The following MON1B variants were observed in gnomAD, a reference collection of about 807,000 sequenced individuals.
MON1B encodes the protein MON1 vesicular trafficking associated B.
MON1B carries 26 observed loss-of-function variants against 45.1 expected under a neutral mutation model. That is an observed-to-expected ratio of 0.58 (90% CI 0.42 to 0.80). MON1B has a LOEUF of 0.80. Ranked by LOEUF, MON1B falls within the 30% of genes least tolerant of loss-of-function variation. The pLI is 0.00. For synonymous variants in MON1B, 395 were observed against 320.2 expected (o/e 1.23, Z -2.49); for missense variants, 737 against 754.5 (o/e 0.98, Z 0.27).
At position 77,202,075 on chromosome 16, in the gene MON1B, G is replaced by A. The variant is rs538990690; in HGVS notation, c.*3767G>A. On this transcript the variant is annotated 3_prime_UTR_variant, in exon 6 of 6. Transcript: ENST00000248248. ...GTTCTATTTTTTCTTCTAGAAAAAT[G>A]TAAGTAGTCATATATAATTTTAAAA... 6.6e-6 allele frequency: 1 copy of A among 152,182 alleles called. No homozygotes were observed. Among genetic ancestry groups the A allele is most frequent in the Non-Finnish European group, 1.5e-5 (1 of 68,026 alleles). 9.4% of individuals were successfully genotyped at this position (152,182 alleles called of 1,614,324 possible). A position where few individuals can be genotyped will look rare whatever the true frequency, so the allele number is the denominator to read the frequency against.
rs1229854135 is a variant in MON1B at position 77,200,274 on chromosome 16, G to GTATATATATATATA, written c.*1971_*1984dup. ...TATATGTGTATATATATATATATGTGTATATATATATATATATACACACAC... is the reference window on the plus strand; with the variant it reads ...TATATGTGTATATATATATATATGTGTATATATATATATATATATATATATATATATACACACAC... On this transcript the variant is annotated 3_prime_UTR_variant, in exon 6 of 6. Coordinates refer to ENST00000248248, the MANE Select transcript of MON1B (RefSeq NM_014940.4). The GTATATATATATATA allele has an allele frequency of 8.8e-6, 1 of 113,574 alleles. No homozygotes were observed. Among genetic ancestry groups the GTATATATATATATA allele is most frequent in the African/African-American group, 3.5e-5 (1 of 28,624 alleles). The allele number at this position is 113,574 out of a possible 1,614,324, so 7.0% of individuals were successfully genotyped here.
chr16:77,194,305 A>AC lies in MON1B; in HGVS notation c.476-23dup, dbSNP rs758777288. 26 of 1,562,782 alleles carry AC rather than the reference A, an allele frequency of 1.7e-5. No individual in the cohort carries two copies. The highest frequency in any genetic ancestry group is 8.4e-5 in the Admixed American group (5 of 59,772). ...CTCTGGTCATTCCTGATCCAGCTGTACCCCCCCTTCTTACCCCTTCCTTCC... is the reference window on the plus strand; with the variant it reads ...CTCTGGTCATTCCTGATCCAGCTGTACCCCCCCCTTCTTACCCCTTCCTTCC... On this transcript the variant is annotated intron_variant, in intron 3 of 5. Coordinates refer to ENST00000248248, the MANE Select transcript of MON1B (RefSeq NM_014940.4). This position sits in a 1 kb window ranked among gnomAD's most constrained non-coding sequence, Gnocchi z 8.1.
rs930248806 is a variant in MON1B, at chr16:77,198,632, T to G, written c.*324T>G. 2 of 367,196 alleles carry G rather than the reference T, an allele frequency of 5.4e-6. No homozygotes were observed. The highest frequency in any genetic ancestry group is 4.1e-5 in the African/African-American group (2 of 48,620). The allele number at this position is 367,196 out of a possible 1,614,324, so 22.7% of individuals were successfully genotyped here. A position where few individuals can be genotyped will look rare whatever the true frequency, so the allele number is the denominator to read the frequency against. On this transcript the variant is annotated 3_prime_UTR_variant, in exon 6 of 6. Coordinates refer to ENST00000248248, the MANE Select transcript of MON1B (RefSeq NM_014940.4). ...CCCCTCCAAACTTGCTTCCGTGGTC[T>G]GCCTCCTAGTTGAATCTCAGCCCTG...
chr16:77,196,456 A>T (rs915185022), intron 5 of MON1B, among the ~76,000 whole-genome samples: 7 of 152,142 alleles, frequency 4.6e-5, no homozygotes, highest in Non-Finnish European at 2.9e-5. Flanking sequence ...TTCTTTCTAC[A>T]TTTATTGGCT....
chr16:77,199,147 A>ATCTCGGTGGT lies in MON1B; in HGVS notation c.*839_*840insTCTCGGTGGT. On this transcript the variant is annotated 3_prime_UTR_variant, in exon 6 of 6. Coordinates refer to ENST00000248248, the MANE Select transcript of MON1B (RefSeq NM_014940.4). ...CCCAGACTTTGACAACCTGCACAAGACAAGCAGCCTAAAGCAGGAGAGACC... is the reference window on the plus strand; with the variant it reads ...CCCAGACTTTGACAACCTGCACAAGATCTCGGTGGTCAAGCAGCCTAAAGCAGGAGAGACC... The ATCTCGGTGGT allele has an allele frequency of 2.7e-6, 1 of 365,802 alleles. No individual in the cohort carries two copies. Among genetic ancestry groups the ATCTCGGTGGT allele is most frequent in the Non-Finnish European group, 4.9e-6 (1 of 202,986 alleles). The allele number at this position is 365,802 out of a possible 1,614,324, so 22.7% of individuals were successfully genotyped here.
Position 77,191,267 on chromosome 16 carries a change from A to T in MON1B, c.-11+9A>T. 1.3e-6 allele frequency: 2 copies of T among 1,540,824 alleles called. No individual in the cohort carries two copies. Among genetic ancestry groups the T allele is most frequent in the Non-Finnish European group, 1.7e-6 (2 of 1,146,684 alleles). On this transcript the variant is annotated intron_variant, in intron 1 of 5. Transcript: ENST00000248248. ...ATTCGGAGTTAAAACAGGTGTTTGT[A>T]TATCTCTATTTCCTGAGGCCCAGTA...
rs1261268341 is a variant in MON1B, at chr16:77,198,245, C to T, written c.1581C>T (p.Tyr527=). ...TCTTCATTCGTTACCCACCCAAGTACTCCACACCACCAGCCACCTCTACGG... is the reference window on the plus strand; with the variant it reads ...TCTTCATTCGTTACCCACCCAAGTATTCCACACCACCAGCCACCTCTACGG... The part of the protein sequence containing the change: ...DRLFIRYPPK[Y]STPPATSTDQ... The change falls in exon 6 of 6, where the codon TAC becomes TAT. Residue 527 remains tyrosine, a synonymous_variant. Coordinates refer to ENST00000248248, the MANE Select transcript of MON1B (RefSeq NM_014940.4). The T allele has an allele frequency of 1.2e-6, 2 of 1,614,196 alleles. No homozygotes were observed. The highest frequency in any genetic ancestry group is 1.7e-5 in the Admixed American group (1 of 60,028).
intron 5 of MON1B, among the ~76,000 whole-genome samples, chr16:77,197,836 T>A (rs185635733): frequency 1.1e-4 from 16 of 152,310 alleles, no homozygotes; most frequent in Non-Finnish European, 2.1e-4. Context: ...TAAACATTGT[T>A]ACTGTTTTCC....
Position 77,195,659 on chromosome 16 carries a change from GAGA to G in MON1B, c.1423_1425del (p.Lys475del). The G allele has an allele frequency of 6.2e-7, 1 of 1,614,162 alleles. No homozygotes were observed. Among genetic ancestry groups the G allele is most frequent in the Non-Finnish European group, 8.5e-7 (1 of 1,180,036 alleles). ...CCTGCGCCTCATTTACCACGTGGCT[GAGA>G]AGGAGACACTACTGGCCTGGGTAAG... On this transcript the variant is annotated inframe_deletion, in exon 5 of 6. Transcript: ENST00000248248.
At chr16:77,195,833 C>G (rs543404100) in intron 5 of MON1B, 151 bp downstream of exon 5, 5 of 917,082 alleles carry the variant, frequency 5.5e-6, no homozygotes, top group East Asian at 2.7e-5. Flanking sequence ...TGCCTTTACA[C>G]ACACATCTTT....
chr16:77,193,937 TC>T lies in MON1B; in HGVS notation c.475+161del. On this transcript the variant is annotated intron_variant, in intron 3 of 5. Transcript: ENST00000248248. This position sits in a 1 kb window ranked among gnomAD's most constrained non-coding sequence, Gnocchi z 5.0. The stretch of plus-strand genomic sequence containing the variant: ...TGTCAGTGGCGGGAGGTGGGGGGGT[TC>T]ATCTCTGTCTGGCCTGCTGGTTTCT... 1.4e-6 allele frequency: 1 copy of T among 694,674 alleles called. No homozygotes were observed. The highest frequency in any genetic ancestry group is 1.9e-5 in the South Asian group (1 of 52,416). 43.0% of individuals were successfully genotyped at this position (694,674 alleles called of 1,614,324 possible).
At position 77,199,389 on chromosome 16, in the gene MON1B, T is replaced by A; in HGVS notation, c.*1081T>A. On this transcript the variant is annotated 3_prime_UTR_variant, in exon 6 of 6. Coordinates refer to ENST00000248248, the MANE Select transcript of MON1B (RefSeq NM_014940.4). ...ATGCGTGCTGAAAAGCCTTTCACCC[T>A]CACGTGGTTTCTTTTTTAACCAGTC... The A allele has an allele frequency of 6.6e-7, 1 of 1,507,154 alleles. No individual in the cohort carries two copies. Among genetic ancestry groups the A allele is most frequent in the Non-Finnish European group, 9.0e-7 (1 of 1,108,870 alleles). The allele number at this position is 1,507,154 out of a possible 1,614,324, so 93.4% of individuals were successfully genotyped here.
intron 5 of MON1B, among the ~76,000 whole-genome samples, chr16:77,196,172 C>T (rs1049027329): frequency 2.0e-5 from 3 of 152,164 alleles, no homozygotes; most frequent in Non-Finnish European, 4.4e-5. Flanking sequence ...TAAAGGTCAG[C>T]TACTAAGGGA....
At chr16:77,195,740 T>C (rs1273839970) in intron 5 of MON1B, 58 bp downstream of exon 5, 8 of 1,589,722 alleles carry the variant, frequency 5.0e-6, no homozygotes, top group Non-Finnish European at 6.9e-6. Flanking sequence ...CCTTTCCCTA[T>C]ATTGTATCCC....
intron 4 of MON1B, 117 bp from the exon 5 acceptor site, chr16:77,195,418 C>T (rs1179594140): frequency 4.5e-6 from 6 of 1,320,278 alleles, no homozygotes; most frequent in Middle Eastern, 5.3e-4. Context: ...ATCCTCAAGT[C>T]TCATGGGAGA....
chr16:77,200,619 G>C lies in MON1B; in HGVS notation c.*2311G>C, dbSNP rs368447139. On this transcript the variant is annotated 3_prime_UTR_variant, in exon 6 of 6. Coordinates refer to ENST00000248248, the MANE Select transcript of MON1B (RefSeq NM_014940.4). Reference sequence around the variant, plus strand: ...AAAAATACAAAAATTGTCCGGGTGTGGTGGCGGGCGCCTGTAGTCCCAGCT... The same window carrying C: ...AAAAATACAAAAATTGTCCGGGTGTCGTGGCGGGCGCCTGTAGTCCCAGCT... The C allele has an allele frequency of 1.1e-4, 16 of 151,948 alleles. No individual in the cohort carries two copies. The highest frequency in any genetic ancestry group is 1.9e-4 in the Non-Finnish European group (13 of 68,030). The allele number at this position is 151,948 out of a possible 1,614,324, so 9.4% of individuals were successfully genotyped here. A position where few individuals can be genotyped will look rare whatever the true frequency, so the allele number is the denominator to read the frequency against.
intron 1 of MON1B, 59 bp from the exon 2 acceptor site, chr16:77,191,417 T>C: frequency 9.5e-6 from 15 of 1,576,162 alleles, no homozygotes; most frequent in Non-Finnish European, 1.3e-5. Flanking sequence ...CCTGACTCTA[T>C]AAAGGCTTTT....
Position 77,198,503 on chromosome 16 carries a change from A to G in MON1B, c.*195A>G, listed in dbSNP as rs13335868. ...GGCGAGCAGGCTGCTTTCCCTGCCC[A>G]GTCATGCACCTCCCCCTCTGGGGAA... On this transcript the variant is annotated 3_prime_UTR_variant, in exon 6 of 6. Coordinates refer to ENST00000248248, the MANE Select transcript of MON1B (RefSeq NM_014940.4). 0.028 allele frequency: 17,273 copies of G among 619,418 alleles called. 1,714 individuals are homozygous for G. Among genetic ancestry groups the G allele is most frequent in the African/African-American group, 0.25 (13,342 of 54,188 alleles). The allele number at this position is 619,418 out of a possible 1,614,324, so 38.4% of individuals were successfully genotyped here.
At position 77,193,560 on chromosome 16, in the gene MON1B, A is replaced by T; in HGVS notation, c.258A>T (p.Thr86=). 1.2e-6 allele frequency: 2 copies of T among 1,613,990 alleles called. No homozygotes were observed. Among genetic ancestry groups the T allele is most frequent in the Non-Finnish European group, 1.7e-6 (2 of 1,179,918 alleles). Residue 86 remains threonine, a synonymous_variant, in exon 3 of 6, where the codon ACA becomes ACT. Transcript: ENST00000248248. The surrounding 1 kb of genome is among the most constrained non-coding windows in gnomAD (Gnocchi z 5.0). The part of the protein sequence containing the change: ...WSPAAPENSP[T]CSPESSSGGQ... ...CTGCAGCCCCTGAGAATAGTCCCAC[A>T]TGTAGCCCTGAGAGTAGCTCTGGAG...
Sources: gnomAD v4.1 joint callset for allele counts (sites outside exome capture counted in the v4.1 genomes callset) on GRCh38, gnomAD v4.1.1 for gene constraint, Gnocchi (gnomAD v3.1) non-coding constraint, MANE v1.5 for transcripts, NCBI Gene and HGNC (gene_info 2026-07-23, HGNC 2026-07-21) for gene names.